PRDX5: variants seen among roughly 807,000 people sequenced by gnomAD.
The protein encoded by PRDX5 is peroxiredoxin 5, also known as peroxiredoxin-5, mitochondrial.
Under a neutral mutation model 23.8 loss-of-function variants are expected in PRDX5, and 21 were observed. The observed-to-expected ratio is 0.88, with a 90% CI of 0.63 to 1.27. The LOEUF is 1.27. Ranked by LOEUF, PRDX5 falls within the 50% of genes most tolerant of loss-of-function variation. The probability of loss-of-function intolerance (pLI) is 0.00; values close to 1 mark genes in which losing one functional copy is unlikely to be tolerated. For missense variants in PRDX5, 261 were observed against 270.6 expected (o/e 0.96, Z 0.25); for synonymous variants, 111 against 113.3 (o/e 0.98, Z 0.13).
rs1027785167 is a variant in PRDX5, at chr11:64,320,697, C to G, written c.343C>G (p.Leu115Val). ...AGGGTTTGTGGAGCAGGCTGAGGCT[C>G]TGAAGGCCAAGGGAGTCCAGGTGGT... ...LPGFVEQAEA[L>V]KAKGVQVVAC... The change falls in exon 3 of 6, where the codon CTG (leucine) becomes GTG (valine). Residue 115 changes from leucine to valine, a missense_variant. By Grantham distance (32) the Leu-to-Val change is conservative (BLOSUM62 1). Coordinates refer to ENST00000265462, the MANE Select transcript of PRDX5 (RefSeq NM_012094.5). The G allele has an allele frequency of 3.1e-6, 5 of 1,611,378 alleles. No individual in the cohort carries two copies. The highest frequency in any genetic ancestry group is 3.4e-6 in the Non-Finnish European group (4 of 1,178,026).
chr11:64,320,046 A>G (rs1350380617), intron 2 of PRDX5, among the ~76,000 whole-genome samples, 178 bp downstream of exon 2: 1 of 152,176 alleles, frequency 6.6e-6, no homozygotes, highest in Non-Finnish European at 1.5e-5. Flanking sequence ...TTGGGAGGCC[A>G]AGGCGGGTGG....
chr11:64,321,702 C>T lies in PRDX5; in HGVS notation c.*11C>T. On this transcript the variant is annotated 3_prime_UTR_variant, in exon 6 of 6. Transcript: ENST00000265462. ...ATCTCACAGCTCTGAGGCCCTGGGC[C>T]AGATTACTTCCTCCACCCCTCCCTA... The T allele has an allele frequency of 6.4e-7, 1 of 1,555,230 alleles. No homozygotes were observed. Among genetic ancestry groups the T allele is most frequent in the Non-Finnish European group, 8.7e-7 (1 of 1,149,096 alleles).
chr11:64,319,882 C>G lies in PRDX5; in HGVS notation c.306+14C>G, dbSNP rs199599635. The G allele has an allele frequency of 1.9e-6, 3 of 1,612,924 alleles. No homozygotes were observed. Among genetic ancestry groups the G allele is most frequent in the African/African-American group, 1.3e-5 (1 of 74,864 alleles). On this transcript the variant is annotated intron_variant, in intron 2 of 5. Transcript: ENST00000265462. ...GGATGTTCCAAGGTGAGGCCCTTCC[C>G]CTTCTGAAGATCAGGACCTGGGATC...
chr11:64,321,455 G>C (rs78184413), intron 5 of PRDX5, 131 bp from the exon 6 acceptor site: 49,764 of 1,442,992 alleles, frequency 0.034, 984 homozygotes, highest in Non-Finnish European at 0.041. Flanking sequence ...TGAGTCCTCT[G>C]TGGGGGAGAG....
At position 64,319,730 on chromosome 11, in the gene PRDX5, C is replaced by T; in HGVS notation, c.172-4C>T. 1 of 1,613,286 alleles carries T rather than the reference C, an allele frequency of 6.2e-7. No individual in the cohort carries two copies. Among genetic ancestry groups the T allele is most frequent in the Non-Finnish European group, 8.5e-7 (1 of 1,179,624 alleles). ...CCCCCTTACCCTGGAGTCCTTCCTTCTAGGTGGGAGATGCCATCCCAGCAG... is the reference window on the plus strand; with the variant it reads ...CCCCCTTACCCTGGAGTCCTTCCTTTTAGGTGGGAGATGCCATCCCAGCAG... On this transcript the variant is annotated splice_polypyrimidine_tract_variant and splice_region_variant and intron_variant, in intron 1 of 5. Transcript: ENST00000265462.
Position 64,318,574 on chromosome 11 carries a change from G to C in PRDX5, c.171+188G>C, listed in dbSNP as rs557766012. Among the ~76,000 whole-genome samples, 8 of 152,168 alleles carry C rather than the reference G, an allele frequency of 5.3e-5. No homozygotes were observed. In the East Asian group the frequency reaches 1.6e-3, roughly 30 times the overall value. On this transcript the variant is annotated intron_variant, in intron 1 of 5. Transcript: ENST00000265462. ...GCCAATCGTGGGGGCCTCACCTCCC[G>C]GGACAGTCCCGAGGCATTGTGTTTT...
At chr11:64,321,206 T>TG (rs1411191593) in intron 5 of PRDX5, 138 bp downstream of exon 5, 1 of 1,006,776 alleles carries the variant, frequency 9.9e-7, no homozygotes, top group Non-Finnish European at 1.5e-6. Context: ...GAGTCGTCTG[T>TG]GGGGAGAGTC....
In PRDX5 at chr11:64,320,778, A is replaced by G. The variant is rs1164732876; in HGVS notation, c.424A>G (p.Lys142Glu). ...FVTGEWGRAH[K>E]AEGKVRLLAD... ...GACTGGCGAGTGGGGCCGAGCCCAC[A>G]AGGCGGAAGGCAAGGTGAGGTGAGG... The change falls in exon 3 of 6, where the codon AAG becomes GAG. Residue 142 changes from lysine (K) to glutamate (E), a missense_variant. By Grantham distance (56) the Lys-to-Glu change is moderately conservative. Transcript: ENST00000265462. The G allele has an allele frequency of 6.2e-7, 1 of 1,614,164 alleles. No individual in the cohort carries two copies.
rs1452759180 is a variant in PRDX5, at chr11:64,320,986, CTT to C, written c.478-18_478-17del. ...TTAGCCTCTTCAAGGATTTCTGACA[CTT>C]TTCTCTGTCTCTTCTTAGGAGACAG... is the stretch of plus-strand genomic sequence containing the variant. On this transcript the variant is annotated intron_variant, in intron 4 of 5. Transcript: ENST00000265462. 3.7e-6 allele frequency: 6 copies of C among 1,614,098 alleles called. No homozygotes were observed. Among genetic ancestry groups the C allele is most frequent in the Admixed American group, 1.7e-5 (1 of 60,028 alleles).
chr11:64,318,271 G>A lies in PRDX5; in HGVS notation c.56G>A (p.Gly19Asp), dbSNP rs2035369282. Residue 19 changes from glycine (G) to aspartate (D), a missense_variant, in exon 1 of 6, where the codon GGT becomes GAT. Transcript: ENST00000265462. ...CGCTCAGCGGGCTATATACTCGTCG[G>A]TGGGGCCGGCGGTCAGTCTGCGGCA... ...LRRSAGYILV[G>D]GAGGQSAAAA... is the part of the protein sequence containing the mutation. 2 of 1,612,366 alleles carry A rather than the reference G, an allele frequency of 1.2e-6. No homozygotes were observed. Among genetic ancestry groups the A allele is most frequent in the Admixed American group, 3.3e-5 (2 of 60,000 alleles).
intron 1 of PRDX5, among the ~76,000 whole-genome samples, chr11:64,319,374 A>G (rs1265142077): frequency 6.7e-6 from 1 of 150,048 alleles, no homozygotes; most frequent in Non-Finnish European, 1.5e-5. Context: ...GTTGTCAGGG[A>G]CTCCTCCTCA....
At chr11:64,319,948 A>G in intron 2 of PRDX5, 80 bp downstream of exon 2, 3 of 1,532,610 alleles carry the variant, frequency 2.0e-6, no homozygotes, top group Non-Finnish European at 1.8e-6. Context: ...TCCTGATAGG[A>G]CTCCTAAAAA....
intron 1 of PRDX5, 139 bp downstream of exon 1, chr11:64,318,525 C>A: frequency 8.8e-7 from 1 of 1,130,842 alleles, no homozygotes; most frequent in Non-Finnish European, 1.2e-6. Flanking sequence ...CTTCAGAAGG[C>A]CCTCGTGGCT....
Position 64,319,788 on chromosome 11 carries a change from G to T in PRDX5, c.226G>T (p.Val76Leu). ...GTTTGAAGGGGAGCCAGGGAACAAG[G>T]TGAACCTGGCAGAGCTGTTCAAGGG... ...EVFEGEPGNK[V>L]NLAELFKGKK... Residue 76 changes from valine to leucine, a missense_variant, in exon 2 of 6, where the codon GTG becomes TTG. Physicochemically the swap from Val to Leu is conservative, Grantham distance 32. Transcript: ENST00000265462. The T allele has an allele frequency of 6.2e-7, 1 of 1,614,156 alleles. No individual in the cohort carries two copies. The highest frequency in any genetic ancestry group is 8.5e-7 in the Non-Finnish European group (1 of 1,179,982).
intron 1 of PRDX5, among the ~76,000 whole-genome samples, chr11:64,319,115 C>T (rs1246437206): frequency 6.6e-6 from 1 of 152,058 alleles, no homozygotes; most frequent in Admixed American, 6.6e-5. Context: ...CTTCATCCTG[C>T]TCTCAACCTT....
At position 64,319,735 on chromosome 11, in the gene PRDX5, TG is replaced by T. The variant is rs1413839277; in HGVS notation, c.176del (p.Gly59GlufsTer18). 6.2e-7 allele frequency: 1 copy of T among 1,613,526 alleles called. No homozygotes were observed. The highest frequency in any genetic ancestry group is 2.2e-5 in the East Asian group (1 of 44,876). On this transcript the variant is annotated frameshift_variant and splice_region_variant, in exon 2 of 6. Coordinates refer to ENST00000265462, the MANE Select transcript of PRDX5 (RefSeq NM_012094.5). LOFTEE classifies it high-confidence loss of function. ...TTACCCTGGAGTCCTTCCTTCTAGG[TG>T]GGAGATGCCATCCCAGCAGTGGAGG... is the stretch of plus-strand genomic sequence containing the variant. ...RAAAAMAPIK[V>X]GDAIPAVEVF...
At chr11:64,318,502 G>T in intron 1 of PRDX5, 116 bp downstream of exon 1, 1 of 1,354,576 alleles carries the variant, frequency 7.4e-7, no homozygotes, top group Non-Finnish European at 1.0e-6. Flanking sequence ...CCCTCCGCCC[G>T]CCCGGCTCAT....
At chr11:64,318,932 A>T (rs184380444) in intron 1 of PRDX5, among the ~76,000 whole-genome samples, 1 of 142,508 alleles carries the variant, frequency 7.0e-6, no homozygotes, top group African/African-American at 2.6e-5. Context: ...CTTCTGAAAC[A>T]GCTGTCCCTT....
rs753927581 is a variant in PRDX5, at chr11:64,319,717, G to T, written c.172-17G>T. The T allele has an allele frequency of 5.0e-6, 8 of 1,611,780 alleles. No homozygotes were observed. The highest frequency in any genetic ancestry group is 6.8e-6 in the Non-Finnish European group (8 of 1,178,932). The stretch of plus-strand genomic sequence containing the variant: ...CCGGCTCCCTCACCCCCCTTACCCT[G>T]GAGTCCTTCCTTCTAGGTGGGAGAT... On this transcript the variant is annotated splice_polypyrimidine_tract_variant and intron_variant, in intron 1 of 5. Coordinates refer to ENST00000265462, the MANE Select transcript of PRDX5 (RefSeq NM_012094.5).
Sources: gnomAD v4.1 joint callset for allele counts (sites outside exome capture counted in the v4.1 genomes callset) on GRCh38, gnomAD v4.1.1 for gene constraint, MANE v1.5 for transcripts, NCBI Gene and HGNC (gene_info 2026-07-23, HGNC 2026-07-21) for gene names.